Variants in DPF3 observed in about 807,000 individuals in gnomAD.
DPF3 encodes the protein zinc finger protein DPF3.
Under a neutral mutation model 56.8 loss-of-function variants are expected in DPF3, and 18 were observed. That is an observed-to-expected ratio of 0.32 (90% CI 0.22 to 0.47). The LOEUF (loss-of-function observed/expected upper bound fraction) is 0.47, where lower values mean the gene tolerates loss of function less well. Among genes scored for constraint, DPF3 ranks in the 20% least tolerant of loss-of-function variants. DPF3 has a pLI of 1.00. For synonymous variants in DPF3, 188 were observed against 180.2 expected (o/e 1.04, Z -0.35); for missense variants, 403 against 488.8 (o/e 0.82, Z 1.65).
At position 72,771,818 on chromosome 14, in the gene DPF3, G is replaced by A. The variant is rs1335809901; in HGVS notation, c.108C>T (p.Ser36=). The part of the protein sequence containing the change: ...SYNSRLCAER[S]VRLPFLDSQT... ...GTGAGTCCAGGAAGGGAAGACGCAC[G>A]CTGCGCTCTGCACACAGCCGTGAGT... Residue 36 remains serine (S), a synonymous_variant, in exon 2 of 11, where the codon AGC becomes AGT. Transcript: ENST00000556509. 15 of 1,613,650 alleles carry A rather than the reference G, an allele frequency of 9.3e-6. No homozygotes were observed. Among genetic ancestry groups the A allele is most frequent in the Non-Finnish European group, 1.2e-5 (14 of 1,179,804 alleles).
chr14:72,664,108 G>C (rs1253792338), intron 8 of DPF3, among the ~76,000 whole-genome samples: 7 of 151,826 alleles, frequency 4.6e-5, no homozygotes, highest in Non-Finnish European at 8.8e-5. Flanking sequence ...TCCTTCCCTT[G>C]ACTGATCAAA....
At chr14:72,664,951 C>T (rs1448464276) in intron 8 of DPF3, among the ~76,000 whole-genome samples, 1 of 152,162 alleles carries the variant, frequency 6.6e-6, no homozygotes, top group Non-Finnish European at 1.5e-5. Flanking sequence ...TGGAATGGTA[C>T]TTAGGCGGGT....
At chr14:72,700,002 A>G (rs1888089806) in intron 6 of DPF3, among the ~76,000 whole-genome samples, 1 of 152,138 alleles carries the variant, frequency 6.6e-6, no homozygotes. Context: ...ACCAGGGTGG[A>G]GCCTGTGTTT....
At chr14:72,883,848 A>G (rs1343973225) in intron 1 of DPF3, among the ~76,000 whole-genome samples, 1 of 151,082 alleles carries the variant, frequency 6.6e-6, no homozygotes, top group Non-Finnish European at 1.5e-5. Flanking sequence ...GATCACTTGA[A>G]CGTGGGAGGC....
At chr14:72,844,618 ACACT>A (rs111363785) in intron 1 of DPF3, among the ~76,000 whole-genome samples, 12,754 of 152,266 alleles carry the variant, frequency 0.084, 727 homozygotes, top group South Asian at 0.18. Flanking sequence ...ATTTTCACAC[ACACT>A]CACGCACAAA....
chr14:72,893,004 G>A (rs977615136), intron 1 of DPF3, among the ~76,000 whole-genome samples: 1 of 126,372 alleles, frequency 7.9e-6, no homozygotes, highest in African/African-American at 3.1e-5. Flanking sequence ...AGGAAGGAAG[G>A]AAGGAAGGAA....
intron 8 of DPF3, among the ~76,000 whole-genome samples, chr14:72,664,607 C>T (rs1886369546): frequency 6.6e-6 from 1 of 151,926 alleles, no homozygotes; most frequent in African/African-American, 2.4e-5. Context: ...TCCTTTACCC[C>T]TCACCACCAC....
chr14:72,831,211 A>G (rs34398687), intron 1 of DPF3, among the ~76,000 whole-genome samples: 19,790 of 152,114 alleles, frequency 0.13, 1,540 homozygotes, highest in African/African-American at 0.2. Flanking sequence ...AGGAAACGTG[A>G]CGCGGGAGGG....
chr14:72,802,262 A>G (rs1892922556), intron 1 of DPF3, among the ~76,000 whole-genome samples: 1 of 152,188 alleles, frequency 6.6e-6, no homozygotes. Context: ...GTGCAGAGTC[A>G]TGGCGAACTG....
chr14:72,872,494 A>C (rs1225439615), intron 1 of DPF3, among the ~76,000 whole-genome samples: 3 of 152,210 alleles, frequency 2.0e-5, no homozygotes, highest in African/African-American at 2.4e-5. Flanking sequence ...CCCAAGTCAC[A>C]TCTTGAATGC....
At chr14:72,802,407 T>G (rs1283047105) in intron 1 of DPF3, among the ~76,000 whole-genome samples, 1 of 152,148 alleles carries the variant, frequency 6.6e-6, no homozygotes, top group Non-Finnish European at 1.5e-5. Context: ...AGCTCCTAAG[T>G]GCTGTGAGTC....
At chr14:72,621,344 C>A (rs1015347077) in intron 9 of DPF3, among the ~76,000 whole-genome samples, 2 of 152,126 alleles carry the variant, frequency 1.3e-5, no homozygotes, top group African/African-American at 2.4e-5. Flanking sequence ...TGGCCCCACC[C>A]CCTAGTTTCA....
chr14:72,712,397 G>A (rs930575015), intron 6 of DPF3, among the ~76,000 whole-genome samples: 2 of 152,146 alleles, frequency 1.3e-5, no homozygotes, highest in Non-Finnish European at 2.9e-5. Flanking sequence ...CAGAGGCAAA[G>A]GTGGGAGGAG....
chr14:72,791,559 G>A (rs1365832902), intron 1 of DPF3, among the ~76,000 whole-genome samples: 1 of 152,190 alleles, frequency 6.6e-6, no homozygotes, highest in African/African-American at 2.4e-5. Context: ...CCCTATGCTC[G>A]GAGCTTCCCC....
intron 2 of DPF3, among the ~76,000 whole-genome samples, chr14:72,764,819 AACATGAGGG>A (rs1183151852): frequency 6.6e-6 from 1 of 152,184 alleles, no homozygotes; most frequent in Non-Finnish European, 1.5e-5. Context: ...CAAATGATCA[AACATGAGGG>A]GCAGTCATGG....
At chr14:72,649,951 G>A (rs1885855586) in intron 8 of DPF3, among the ~76,000 whole-genome samples, 1 of 152,198 alleles carries the variant, frequency 6.6e-6, no homozygotes, top group African/African-American at 2.4e-5. Flanking sequence ...CAAGCACTGG[G>A]AAAGACCCTT....
intron 1 of DPF3, among the ~76,000 whole-genome samples, chr14:72,786,906 G>A (rs1361789215): frequency 6.6e-6 from 1 of 152,224 alleles, no homozygotes; most frequent in Admixed American, 6.5e-5. Context: ...TCTAGGAAAT[G>A]CTGTTGGCCA....
intron 8 of DPF3, among the ~76,000 whole-genome samples, chr14:72,659,341 C>A (rs771647008): frequency 6.6e-6 from 1 of 152,196 alleles, no homozygotes; most frequent in Admixed American, 6.5e-5. Context: ...TTCTCTGGCC[C>A]ATGTGTGTAC....
intron 2 of DPF3, among the ~76,000 whole-genome samples, chr14:72,760,919 G>A (rs1891043268): frequency 6.6e-6 from 1 of 152,010 alleles, no homozygotes; most frequent in African/African-American, 2.4e-5. Context: ...TCAAAAGAGA[G>A]CTGGAGTGGC....
Sources: gnomAD v4.1 joint callset for allele counts (sites outside exome capture counted in the v4.1 genomes callset) on GRCh38, gnomAD v4.1.1 for gene constraint, MANE v1.5 for transcripts, NCBI Gene and HGNC (gene_info 2026-07-23, HGNC 2026-07-21) for gene names.